Variants in C16orf95 observed in about 807,000 individuals in gnomAD.
C16orf95 encodes uncharacterized protein C16orf95.
In C16orf95, 41 loss-of-function variants were observed where a neutral mutation model predicts 32.1. The ratio of observed to expected loss-of-function variants is 1.28; its 90% confidence interval spans 1.00 to 1.66. The LOEUF (loss-of-function observed/expected upper bound fraction) is 1.66. Among genes scored for constraint, C16orf95 ranks in the 40% most tolerant of loss-of-function variants. C16orf95 has a pLI of 0.00. For synonymous variants in C16orf95, 147 were observed against 128.9 expected (o/e 1.14, Z -0.95); for missense variants, 399 against 325.9 (o/e 1.22, Z -1.73).
In C16orf95 at chr16:87,310,214, G is replaced by C. The variant is rs1044425290; in HGVS notation, c.514+83C>G. The C allele has an allele frequency of 1.3e-5, 17 of 1,358,328 alleles. No individual in the cohort carries two copies. In the African/African-American group the frequency reaches 1.7e-4, roughly 14 times the overall value. 84.1% of individuals were successfully genotyped at this position (1,358,328 alleles called of 1,614,324 possible). On this transcript the variant is annotated intron_variant, in intron 5 of 6. Coordinates refer to ENST00000567970, the MANE Select transcript of C16orf95 (RefSeq NM_001195124.3). ...GTGGGCAGGTGTCTGGTGATGAGAG[G>C]TCTGCCCCCACCATCATGATGCTCA...
Position 87,303,146 on chromosome 16 carries a change from C to T in C16orf95, c.702-71G>A. ...AGACCAGCTGCCCTCAGCGCGTGCC[C>T]TTGGGAAACCTCCATGAGCGGAAGG... On this transcript the variant is annotated intron_variant, in intron 6 of 6. Coordinates refer to ENST00000567970, the MANE Select transcript of C16orf95 (RefSeq NM_001195124.3). 2.7e-6 allele frequency: 4 copies of T among 1,473,758 alleles called. No individual in the cohort carries two copies. The South Asian group carries it at 4.8e-5, about 18-fold the overall frequency. 91.3% of individuals were successfully genotyped at this position (1,473,758 alleles called of 1,614,324 possible). A position where few individuals can be genotyped will look rare whatever the true frequency, so the allele number is the denominator to read the frequency against.
At chr16:87,314,876 T>C (rs1904305843) in intron 3 of C16orf95, 95 bp downstream of exon 3, 7 of 1,030,516 alleles carry the variant, frequency 6.8e-6, no homozygotes, top group Admixed American at 3.0e-5. Flanking sequence ...TGTTAAAATA[T>C]CCATTCATAT....
chr16:87,309,265 A>G (rs1199929916), intron 5 of C16orf95, among the ~76,000 whole-genome samples: 1 of 151,588 alleles, frequency 6.6e-6, no homozygotes, highest in East Asian at 1.9e-4. Context: ...CTGTTCAGAT[A>G]TGTTATAATA....
chr16:87,308,142 G>A (rs1911109676), intron 5 of C16orf95, among the ~76,000 whole-genome samples: 1 of 152,148 alleles, frequency 6.6e-6, no homozygotes, highest in African/African-American at 2.4e-5. Context: ...TTTCCAGAGT[G>A]TTTTTCTGCT....
intron 3 of C16orf95, 53 bp downstream of exon 3, chr16:87,314,918 A>G (rs1391119209): frequency 6.8e-7 from 1 of 1,478,260 alleles, no homozygotes; most frequent in Admixed American, 2.3e-5. Context: ...TGACTGGTCA[A>G]CTGACATTCA....
intron 3 of C16orf95, among the ~76,000 whole-genome samples, chr16:87,312,906 T>C (rs1177636061): frequency 6.6e-6 from 1 of 152,088 alleles, no homozygotes; most frequent in African/African-American, 2.4e-5. Flanking sequence ...AAGTCATAAA[T>C]TGAAATTCAA....
chr16:87,307,939 A>G (rs1230931543), intron 5 of C16orf95, among the ~76,000 whole-genome samples: 2 of 152,190 alleles, frequency 1.3e-5, no homozygotes, highest in African/African-American at 4.8e-5. Context: ...CATTAACTGA[A>G]GAAAATGGGT....
At chr16:87,310,201 C>A in intron 5 of C16orf95, 96 bp downstream of exon 5, 1 of 1,228,106 alleles carries the variant, frequency 8.1e-7, no homozygotes, top group South Asian at 1.3e-5. Flanking sequence ...GGGCAGGTGT[C>A]TGGTGATGAG....
chr16:87,303,477 G>A (rs893653553), intron 6 of C16orf95: 4 of 184,700 alleles, frequency 2.2e-5, no homozygotes, highest in Admixed American at 1.1e-4. Flanking sequence ...GCCGGCAGAC[G>A]GGCCGCCGAG....
At chr16:87,303,731 C>G (rs1186566820) in intron 6 of C16orf95, 2 of 152,476 alleles carry the variant, frequency 1.3e-5, no homozygotes, top group African/African-American at 2.4e-5. Context: ...ATGGGGCCCT[C>G]CAAGTGCCAG....
chr16:87,313,193 T>TAA (rs56015859), intron 3 of C16orf95, among the ~76,000 whole-genome samples: 36 of 139,794 alleles, frequency 2.6e-4, no homozygotes, highest in East Asian at 6.3e-4. Context: ...ACATGGAAAT[T>TAA]AAAAAAAAAA....
chr16:87,312,669 A>C (rs980297318), intron 3 of C16orf95, among the ~76,000 whole-genome samples: 9 of 152,228 alleles, frequency 5.9e-5, no homozygotes, highest in African/African-American at 1.4e-4. Context: ...GCTCTCTTCA[A>C]CACTGTACTG....
At chr16:87,316,458 T>C (rs561067000) in intron 1 of C16orf95, among the ~76,000 whole-genome samples, 1 of 152,320 alleles carries the variant, frequency 6.6e-6, no homozygotes, top group East Asian at 1.9e-4. Context: ...GTGGAAACCG[T>C]AAGAGCGATA....
chr16:87,313,453 A>T (rs1216207504), intron 3 of C16orf95, among the ~76,000 whole-genome samples: 2 of 152,192 alleles, frequency 1.3e-5, no homozygotes, highest in Non-Finnish European at 2.9e-5. Flanking sequence ...AGGCTTGGCC[A>T]GGTGTGGTGG....
At chr16:87,303,148 T>C in intron 6 of C16orf95, 73 bp from the exon 7 acceptor site, 2 of 1,476,334 alleles carry the variant, frequency 1.4e-6, no homozygotes, top group South Asian at 1.2e-5. Flanking sequence ...CGCGTGCCCT[T>C]GGGAAACCTC....
At chr16:87,311,940 G>A (rs562801331) in intron 3 of C16orf95, among the ~76,000 whole-genome samples, 7 of 152,264 alleles carry the variant, frequency 4.6e-5, no homozygotes, top group South Asian at 4.1e-4. Context: ...AGAGCTGTCC[G>A]GACTGACACG....
At chr16:87,316,236 C>G (rs1014313053) in intron 1 of C16orf95, among the ~76,000 whole-genome samples, 8 of 152,202 alleles carry the variant, frequency 5.3e-5, no homozygotes, top group Non-Finnish European at 1.5e-5. Context: ...GAAGAAAAAA[C>G]ATCGTCAAAC....
chr16:87,310,421 G>C, intron 4 of C16orf95, 88 bp from the exon 5 acceptor site: 1 of 1,327,128 alleles, frequency 7.5e-7, no homozygotes, highest in Non-Finnish European at 1.0e-6. Flanking sequence ...CCTCCAGGAG[G>C]GGCACTGGCC....
At chr16:87,308,207 G>C (rs1029072019) in intron 5 of C16orf95, among the ~76,000 whole-genome samples, 3 of 152,160 alleles carry the variant, frequency 2.0e-5, no homozygotes, top group Non-Finnish European at 4.4e-5. Flanking sequence ...TGTTGGCCGG[G>C]CACAGTGGTT....
Sources: allele counts gnomAD v4.1 joint callset (sites outside exome capture counted in the v4.1 genomes callset), GRCh38; gene constraint gnomAD v4.1.1; transcripts MANE v1.5; gene names NCBI Gene and HGNC (gene_info 2026-07-23, HGNC 2026-07-21).